Variants in RTL9 observed in about 807,000 individuals in gnomAD.
RTL9 encodes retrotransposon Gag-like protein 9.
In RTL9, 19 loss-of-function variants were observed where a neutral mutation model predicts 44.7. The observed-to-expected ratio is 0.42, with a 90% confidence interval of 0.30 to 0.62. The LOEUF (loss-of-function observed/expected upper bound fraction) is 0.62, where lower values mean the gene tolerates loss of function less well. RTL9 is among the 20% of genes least tolerant of loss of function. The probability of loss-of-function intolerance (pLI) is 0.16; values close to 1 mark genes in which losing one functional copy is unlikely to be tolerated. For synonymous variants in RTL9, 407 were observed against 398.9 expected (o/e 1.02, Z -0.24); for missense variants, 1,105 against 1,080.6 (o/e 1.02, Z -0.32).
At chrX:110,366,376 A>G (rs1459337799) in intron 1 of RTL9, among the ~76,000 whole-genome samples, 7 of 111,786 alleles carry the variant, frequency 6.3e-5, no homozygotes, top group Non-Finnish European at 1.1e-4. Flanking sequence ...CTAATGGGGT[A>G]TACCGGATTT....
chrX:110,388,163 C>A (rs778763199), intron 1 of RTL9, among the ~76,000 whole-genome samples: 2 of 111,845 alleles, frequency 1.8e-5, no homozygotes, highest in South Asian at 7.5e-4. Context: ...CACCGCCCAG[C>A]CTGATCATTA....
At chrX:110,379,760 C>T (rs756390538) in intron 1 of RTL9, among the ~76,000 whole-genome samples, 7 of 111,778 alleles carry the variant, frequency 6.3e-5, no homozygotes, top group Non-Finnish European at 1.3e-4. Flanking sequence ...TTCCCAATAC[C>T]GATGAACTAA....
intron 1 of RTL9, among the ~76,000 whole-genome samples, chrX:110,402,478 G>A (rs1012260757): frequency 8.9e-6 from 1 of 112,920 alleles, no homozygotes; most frequent in Non-Finnish European, 1.9e-5. Flanking sequence ...ACTCCCCACG[G>A]AAGAGGAAGG....
intron 1 of RTL9, among the ~76,000 whole-genome samples, chrX:110,373,382 A>G (rs2068352848): frequency 8.9e-6 from 1 of 111,888 alleles, no homozygotes; most frequent in South Asian, 3.7e-4. Flanking sequence ...CTGGGGTGAG[A>G]ACTTAACATA....
chrX:110,398,691 C>A (rs950624079), intron 1 of RTL9, among the ~76,000 whole-genome samples: 2 of 111,775 alleles, frequency 1.8e-5, no homozygotes, highest in Non-Finnish European at 3.8e-5. Flanking sequence ...TATTTGTTTC[C>A]GACTCATTAT....
exon 1 of RTL9, chrX:110,451,197 T>C (rs760703379): frequency 2.5e-6 from 3 of 1,211,373 alleles, no homozygotes; most frequent in Non-Finnish European, 2.2e-6. Context: ...GTCCACACCA[T>C]TAATGCTAGC....
chrX:110,361,542 CA>C (rs2068263748), intron 1 of RTL9, among the ~76,000 whole-genome samples: 1 of 111,421 alleles, frequency 9.0e-6, no homozygotes, highest in Non-Finnish European at 1.9e-5. Flanking sequence ...TCAGTAACAA[CA>C]AAACCCCTTA....
intron 1 of RTL9, among the ~76,000 whole-genome samples, chrX:110,431,910 G>A (rs1021416980): frequency 8.9e-6 from 1 of 111,920 alleles, no homozygotes; most frequent in African/African-American, 3.3e-5. Context: ...GGTGAGAGTT[G>A]ACACTGTCCA....
exon 1 of RTL9, chrX:110,452,734 C>T (rs761492806): frequency 7.4e-6 from 9 of 1,210,428 alleles, no homozygotes; most frequent in Non-Finnish European, 1.0e-5. Flanking sequence ...GGAGTAATGC[C>T]TGCCTCACTA....
chrX:110,452,892 G>A (rs1177857300), exon 1 of RTL9: 1 of 1,209,927 alleles, frequency 8.3e-7, no homozygotes, highest in African/African-American at 1.8e-5. Context: ...CACACCAACA[G>A]TGAGAGCCTG....
chrX:110,419,109 G>A (rs1163609618), exon 1 of RTL9: 1 of 112,361 alleles, frequency 8.9e-6, no homozygotes, highest in Non-Finnish European at 1.9e-5. Context: ...AACATATGGA[G>A]CGCCTACCTT....
intron 1 of RTL9, among the ~76,000 whole-genome samples, chrX:110,366,878 T>C (rs1369375518): frequency 2.7e-5 from 3 of 112,282 alleles, no homozygotes; most frequent in Non-Finnish European, 5.6e-5. Context: ...CCATTCATTC[T>C]TGAATGCTCC....
At chrX:110,389,874 G>T (rs2068482948) in intron 1 of RTL9, among the ~76,000 whole-genome samples, 1 of 112,005 alleles carries the variant, frequency 8.9e-6, no homozygotes, top group Non-Finnish European at 1.9e-5. Context: ...CATCTGAAAA[G>T]AAAAGGCTGA....
upstream of RTL9, among the ~76,000 whole-genome samples, chrX:110,446,876 C>T (rs1162526983): frequency 6.3e-5 from 7 of 111,467 alleles, no homozygotes; most frequent in African/African-American, 2.3e-4. Context: ...TGCCCTGTAG[C>T]TGTGTGACAT....
upstream of RTL9, among the ~76,000 whole-genome samples, chrX:110,417,620 C>G (rs2068687295): frequency 9.0e-6 from 1 of 111,714 alleles, no homozygotes; most frequent in South Asian, 3.8e-4. Flanking sequence ...GGAAACAGAG[C>G]CTCAGAGTGG....
At chrX:110,410,376 C>T (rs2068633991) in intron 1 of RTL9, among the ~76,000 whole-genome samples, 1 of 111,860 alleles carries the variant, frequency 8.9e-6, no homozygotes, top group Non-Finnish European at 1.9e-5. Flanking sequence ...GGAAGTGAAT[C>T]AACAAAATAC....
At chrX:110,428,953 G>T (rs1367866527) in intron 1 of RTL9, among the ~76,000 whole-genome samples, 1 of 112,117 alleles carries the variant, frequency 8.9e-6, no homozygotes, top group Admixed American at 9.4e-5. Flanking sequence ...TGTATCCAGC[G>T]CACTGGCCAA....
At chrX:110,368,538 A>G (rs2068314150) in intron 1 of RTL9, among the ~76,000 whole-genome samples, 1 of 112,056 alleles carries the variant, frequency 8.9e-6, no homozygotes, top group Non-Finnish European at 1.9e-5. Flanking sequence ...CTTCTGTCAA[A>G]TCTCTGTGCA....
chrX:110,395,637 T>C (rs922681778), intron 1 of RTL9, among the ~76,000 whole-genome samples: 2 of 112,280 alleles, frequency 1.8e-5, no homozygotes, highest in African/African-American at 6.5e-5. Context: ...TTTTTTCTTT[T>C]TCTTTTTTTT....
Sources: allele counts gnomAD v4.1 joint callset (sites outside exome capture counted in the v4.1 genomes callset), GRCh38; gene constraint gnomAD v4.1.1; transcripts MANE v1.5; gene names NCBI Gene and HGNC (gene_info 2026-07-23, HGNC 2026-07-21).